NBPF3: variants seen among roughly 807,000 people sequenced by gnomAD.
The protein encoded by NBPF3 is NBPF family member NBPF3.
A neutral mutation model predicts 78.1 loss-of-function variants in NBPF3; 57 were observed. The observed-to-expected ratio is 0.73, with a 90% CI of 0.59 to 0.91. NBPF3 has a LOEUF of 0.91. Ranked by LOEUF, NBPF3 falls within the 40% of genes least tolerant of loss-of-function variation. The probability of loss-of-function intolerance (pLI) is 0.00; values close to 1 mark genes in which losing one functional copy is unlikely to be tolerated. For synonymous variants in NBPF3, 182 were observed against 271.7 expected (o/e 0.67, Z 3.25); for missense variants, 510 against 715.3 (o/e 0.71, Z 3.27).
At chr1:21,468,972 C>T in intron 3 of NBPF3, 75 bp downstream of exon 3, 2 of 1,181,858 alleles carry the variant, frequency 1.7e-6, no homozygotes, top group Non-Finnish European at 2.5e-6. Context: ...TAAATGCTCT[C>T]TCCATCAAAA....
At chr1:21,448,935 A>C (rs1569940708) in intron 2 of NBPF3, among the ~76,000 whole-genome samples, 1 of 152,190 alleles carries the variant, frequency 6.6e-6, no homozygotes, top group Non-Finnish European at 1.5e-5. Flanking sequence ...AGCTCTTTCC[A>C]TGTTGGAATA....
chr1:21,456,572 T>C (rs555419101), intron 2 of NBPF3, among the ~76,000 whole-genome samples: 1 of 152,320 alleles, frequency 6.6e-6, no homozygotes, highest in African/African-American at 2.4e-5. Flanking sequence ...TGTAATGTTA[T>C]ATATTATCAG....
chr1:21,455,870 C>T (rs971941337), intron 2 of NBPF3, among the ~76,000 whole-genome samples: 29 of 152,082 alleles, frequency 1.9e-4, no homozygotes, highest in African/African-American at 6.3e-4. Context: ...GTACTTGAGG[C>T]GGAGGAGGGT....
chr1:21,466,036 G>A (rs1021758161), intron 2 of NBPF3: 10 of 854,172 alleles, frequency 1.2e-5, no homozygotes, highest in Non-Finnish European at 1.4e-5. Flanking sequence ...AGTATGGGTT[G>A]CCTTTGTGTC....
intron 2 of NBPF3, among the ~76,000 whole-genome samples, chr1:21,462,667 A>G (rs1642017443): frequency 6.6e-6 from 1 of 152,262 alleles, no homozygotes; most frequent in Non-Finnish European, 1.5e-5. Context: ...GGGAAAATCA[A>G]GTGAGAACCA....
chr1:21,445,690 CT>C (rs1640929326), intron 2 of NBPF3, among the ~76,000 whole-genome samples: 2 of 152,184 alleles, frequency 1.3e-5, no homozygotes, highest in Non-Finnish European at 2.9e-5. Context: ...AGGCAGTGCC[CT>C]CTGGATGTGT....
At chr1:21,446,335 G>A (rs544099879) in intron 2 of NBPF3, 1 of 152,310 alleles carries the variant, frequency 6.6e-6, no homozygotes, top group Admixed American at 6.5e-5. Context: ...ACAGTATATG[G>A]TTTTACAGTA....
chr1:21,459,885 C>G (rs1264813756), intron 2 of NBPF3: 2 of 227,520 alleles, frequency 8.8e-6, no homozygotes, highest in African/African-American at 2.3e-5. Flanking sequence ...TTTCTGGCCC[C>G]GCAGTGTCAG....
At chr1:21,453,844 A>G (rs1487404188) in intron 2 of NBPF3, 3 of 152,314 alleles carry the variant, frequency 2.0e-5, no homozygotes, top group East Asian at 1.9e-4. Flanking sequence ...CCCTTGAGGA[A>G]GAGTGAAGCC....
Position 21,460,796 on chromosome 1 carries a change from G to GT in NBPF3, c.134-7889dup, listed in dbSNP as rs773164572. The stretch of plus-strand genomic sequence containing the variant: ...AAAACCTTCTGCTTATTATGTTGTT[G>GT]TTTAACAACTTAAAAGCTATCTGTA... On this transcript the variant is annotated intron_variant, in intron 2 of 14. Transcript: ENST00000318249. This position sits in a 1 kb window ranked among gnomAD's most constrained non-coding sequence, Gnocchi z 4.2. Among the ~76,000 whole-genome samples, 8 of 151,982 alleles carry GT rather than the reference G, an allele frequency of 5.3e-5. No individual in the cohort carries two copies. The highest frequency in any genetic ancestry group is 8.8e-5 in the Non-Finnish European group (6 of 67,980).
chr1:21,437,431 G>C, upstream of NBPF3: 2 of 1,321,338 alleles, frequency 1.5e-6, no homozygotes, highest in Non-Finnish European at 2.1e-6. Flanking sequence ...TAGAGGAACA[G>C]ATGTAGCGCC....
chr1:21,477,941 G>A (rs1187181381), intron 8 of NBPF3: 10 of 1,068,158 alleles, frequency 9.4e-6, no homozygotes, highest in African/African-American at 7.9e-5. Context: ...TACTGAGCAC[G>A]TGCTGCCCAT....
chr1:21,453,121 C>T (rs1362492934), intron 2 of NBPF3, among the ~76,000 whole-genome samples: 7 of 152,166 alleles, frequency 4.6e-5, no homozygotes, highest in African/African-American at 1.2e-4. Flanking sequence ...TCATGCCACT[C>T]GGGGCTCGTC....
chr1:21,467,071 A>G, intron 2 of NBPF3: 1 of 984,638 alleles, frequency 1.0e-6, no homozygotes, highest in Non-Finnish European at 1.2e-6. Context: ...CATTTTTAAA[A>G]TAAAGAAACA....
At chr1:21,440,480 G>T (rs1387185917) in intron 1 of NBPF3, 132 bp downstream of exon 1, 2 of 151,820 alleles carry the variant, frequency 1.3e-5, no homozygotes, top group East Asian at 3.9e-4. Context: ...GGTGTGGGGG[G>T]TCGTGCACCG....
intron 3 of NBPF3, 42 bp downstream of exon 3, chr1:21,468,939 G>A (rs1558496375): frequency 2.8e-6 from 4 of 1,445,706 alleles, no homozygotes; most frequent in Non-Finnish European, 3.9e-6. Context: ...GATGAATGAT[G>A]TCCTGTCTTC....
rs1419388296 is a variant in NBPF3 at position 21,471,584 on chromosome 1, G to A, written c.462G>A (p.Leu154=). 4 of 1,611,888 alleles carry A rather than the reference G, an allele frequency of 2.5e-6. No homozygotes were observed. The highest frequency in any genetic ancestry group is 3.4e-6 in the Non-Finnish European group (4 of 1,179,786). Residue 154 remains leucine (L), a synonymous_variant, in exon 5 of 15, where the codon CTG becomes CTA. Transcript: ENST00000318249. The part of the protein sequence containing the change: ...QAEELRQYKV[L]VHSQERELTQ... ...CTCACCTTAGGCAATATAAAGTCCT[G>A]GTTCACTCTCAGGAACGAGAGCTGA...
chr1:21,468,785 CAAG>C lies in NBPF3; in HGVS notation c.234_236del (p.Lys79del). On this transcript the variant is annotated inframe_deletion, in exon 3 of 15. Transcript: ENST00000318249. ...CAGAGATGAACATTCTAGAAATCAACAAGAAATCGCGCCCCCAGCTGGCAGAGA... is the reference window on the plus strand; with the variant it reads ...CAGAGATGAACATTCTAGAAATCAACAAATCGCGCCCCCAGCTGGCAGAGA... 6.2e-7 allele frequency: 1 copy of C among 1,614,058 alleles called. No individual in the cohort carries two copies. Among genetic ancestry groups the C allele is most frequent in the Non-Finnish European group, 8.5e-7 (1 of 1,179,918 alleles).
Position 21,479,388 on chromosome 1 carries a change from C to T in NBPF3, c.1196C>T (p.Ala399Val). The change falls in exon 10 of 15, where the codon GCC (alanine) becomes GTC (valine). Residue 399 changes from alanine to valine, a missense_variant. By Grantham distance (64) the Ala-to-Val change is moderately conservative. Around this residue, in one of 5 missense-constraint regions of NBPF3, gnomAD observed 440 missense variants for 478.2 expected, o/e 0.92. Transcript: ENST00000318249. Reference protein sequence around the residue: ...CDQVKKEDQEATSPRLSRELL... With the variant: ...CDQVKKEDQEVTSPRLSRELL... The stretch of plus-strand genomic sequence containing the variant: ...CAAGTGAAAAAGGAGGACCAAGAGG[C>T]CACAAGTCCCAGGTGAGTCTGAGAA... 6.2e-7 allele frequency: 1 copy of T among 1,610,736 alleles called. No individual in the cohort carries two copies.
Sources: allele counts gnomAD v4.1 joint callset (sites outside exome capture counted in the v4.1 genomes callset), GRCh38; gene constraint gnomAD v4.1.1; regional missense constraint gnomAD v4.1.1; non-coding constraint Gnocchi (gnomAD v3.1); transcripts MANE v1.5; gene names NCBI Gene and HGNC (gene_info 2026-07-23, HGNC 2026-07-21).